The following ANKRD17 variants were observed in gnomAD, a reference collection of about 807,000 sequenced individuals.
The protein encoded by ANKRD17 is ankyrin repeat domain 17.
In ANKRD17, 19 loss-of-function variants were observed where a neutral mutation model predicts 229.7. The observed-to-expected ratio is 0.08, with a 90% CI of 0.06 to 0.12. The LOEUF is 0.12. ANKRD17 is among the 10% of genes least tolerant of loss of function. The pLI is 1.00. For missense variants in ANKRD17, 2,176 were observed against 3,176.8 expected, an observed-to-expected ratio of 0.68 and a Z score of 7.57; for synonymous variants, 1,112 against 1,146.1, an observed-to-expected ratio of 0.97 and a Z score of 0.60.
intron 10 of ANKRD17, among the ~76,000 whole-genome samples, chr4:73,146,400 T>C (rs1353994507): frequency 2.6e-5 from 4 of 152,204 alleles, no homozygotes; most frequent in African/African-American, 4.8e-5. Flanking sequence ...ATTGTAGGCA[T>C]AATTTATTTC....
intron 11 of ANKRD17, 101 bp from the exon 12 acceptor site, chr4:73,142,868 A>G (rs915519430): frequency 2.5e-5 from 33 of 1,307,134 alleles, no homozygotes; most frequent in Non-Finnish European, 3.3e-5. Flanking sequence ...TAGTATTATG[A>G]GGCTCCACAT....
intron 29 of ANKRD17, among the ~76,000 whole-genome samples, chr4:73,089,514 T>A (rs1223941045): frequency 6.6e-6 from 1 of 152,108 alleles, no homozygotes; most frequent in East Asian, 1.9e-4. Flanking sequence ...CTGGATTAGA[T>A]CCTACAATAG....
At chr4:73,254,190 A>T (rs1334457700) in intron 1 of ANKRD17, among the ~76,000 whole-genome samples, 2 of 152,222 alleles carry the variant, frequency 1.3e-5, no homozygotes, top group African/African-American at 4.8e-5. Flanking sequence ...ATGAAGCTGA[A>T]CACAGCCTAA....
chr4:73,239,596 GA>G (rs958057741), intron 1 of ANKRD17, among the ~76,000 whole-genome samples: 6 of 152,110 alleles, frequency 3.9e-5, no homozygotes, highest in African/African-American at 1.4e-4. Context: ...GTATATGTGT[GA>G]AAATGCACAG....
chr4:73,192,697 C>T (rs1737296757), intron 1 of ANKRD17, among the ~76,000 whole-genome samples: 1 of 152,096 alleles, frequency 6.6e-6, no homozygotes, highest in Non-Finnish European at 1.5e-5. Context: ...AAAGAGCTAT[C>T]ATAACAATTT....
At chr4:73,222,645 T>A (rs1461584348) in intron 1 of ANKRD17, among the ~76,000 whole-genome samples, 1 of 152,240 alleles carries the variant, frequency 6.6e-6, no homozygotes, top group Non-Finnish European at 1.5e-5. Flanking sequence ...AAAGCTGCTT[T>A]GCAGACCCCA....
intron 1 of ANKRD17, among the ~76,000 whole-genome samples, chr4:73,213,595 G>A (rs1001658868): frequency 1.3e-5 from 2 of 152,144 alleles, no homozygotes; most frequent in Non-Finnish European, 2.9e-5. Flanking sequence ...AGACAGAGAT[G>A]TACAGATGTT....
chr4:73,199,057 C>G (rs890976147), intron 1 of ANKRD17, among the ~76,000 whole-genome samples: 1 of 152,170 alleles, frequency 6.6e-6, no homozygotes, highest in Admixed American at 6.5e-5. Context: ...CTTCCCAATA[C>G]ATTTCATTCT....
At chr4:73,149,123 A>G in intron 7 of ANKRD17, 73 bp from the exon 8 acceptor site, 2 of 1,212,310 alleles carry the variant, frequency 1.6e-6, no homozygotes. Flanking sequence ...AGACTTCTCA[A>G]TTACTATACA....
chr4:73,253,171 G>A (rs1560791986), intron 1 of ANKRD17, among the ~76,000 whole-genome samples: 1 of 152,192 alleles, frequency 6.6e-6, no homozygotes, highest in East Asian at 1.9e-4. Context: ...ATGTTTACCT[G>A]TAAAATGAAT....
intron 14 of ANKRD17, among the ~76,000 whole-genome samples, chr4:73,140,794 G>T (rs1041955589): frequency 1.3e-5 from 2 of 152,148 alleles, no homozygotes; most frequent in African/African-American, 4.8e-5. Flanking sequence ...TAAAATCTGA[G>T]TAAAATATAT....
chr4:73,193,390 G>T (rs771412693), intron 1 of ANKRD17, among the ~76,000 whole-genome samples: 16 of 152,150 alleles, frequency 1.1e-4, no homozygotes, highest in Non-Finnish European at 1.9e-4. Flanking sequence ...AGGAGGACAG[G>T]TCATATGAGA....
chr4:73,239,448 A>C (rs1343416195), intron 1 of ANKRD17, among the ~76,000 whole-genome samples: 1 of 152,222 alleles, frequency 6.6e-6, no homozygotes, highest in African/African-American at 2.4e-5. Flanking sequence ...GAATACTCAC[A>C]GCCATTTAAA....
chr4:73,216,260 A>G (rs1578424948), intron 1 of ANKRD17, among the ~76,000 whole-genome samples: 1 of 152,268 alleles, frequency 6.6e-6, no homozygotes, highest in Non-Finnish European at 1.5e-5. Context: ...ATTTTTTTAA[A>G]TGAATAAATA....
intron 1 of ANKRD17, among the ~76,000 whole-genome samples, chr4:73,227,295 A>G (rs958876923): frequency 6.6e-6 from 1 of 152,012 alleles, no homozygotes; most frequent in Non-Finnish European, 1.5e-5. Context: ...CTGGGATTAC[A>G]GGCGCCCACC....
Position 73,258,783 on chromosome 4 carries a change from C to T in ANKRD17, c.-115G>A. ...TCGGTGCCGCCTCCGCCGCCACCGC[C>T]TCGGTCACCTCTACTGCCGCCGCCG... On this transcript the variant is annotated 5_prime_UTR_variant, in exon 1 of 34. Transcript: ENST00000358602. 1 of 1,330,902 alleles carries T rather than the reference C, an allele frequency of 7.5e-7. No homozygotes were observed. Among genetic ancestry groups the T allele is most frequent in the Non-Finnish European group, 9.5e-7 (1 of 1,047,268 alleles). 82.4% of individuals were successfully genotyped at this position (1,330,902 alleles called of 1,614,324 possible). A position where few individuals can be genotyped will look rare whatever the true frequency, so the allele number is the denominator to read the frequency against.
intron 11 of ANKRD17, 55 bp from the exon 12 acceptor site, chr4:73,142,822 T>C (rs987918741): frequency 6.5e-7 from 1 of 1,542,838 alleles, no homozygotes; most frequent in Non-Finnish European, 8.7e-7. Context: ...TTCTTAAAAT[T>C]ATGGTAAATT....
At chr4:73,254,784 A>G (rs563810192) in intron 1 of ANKRD17, among the ~76,000 whole-genome samples, 2 of 151,800 alleles carry the variant, frequency 1.3e-5, no homozygotes, top group African/African-American at 2.4e-5. Flanking sequence ...AAAAAAAAAG[A>G]AAGAAAAAAT....
intron 7 of ANKRD17, 136 bp downstream of exon 7, chr4:73,151,294 T>C: frequency 1.4e-6 from 1 of 713,968 alleles, no homozygotes; most frequent in Non-Finnish European, 2.2e-6. Context: ...TTAATAGAAG[T>C]TAATGTTGTA....
Sources: gnomAD v4.1 joint callset for allele counts (sites outside exome capture counted in the v4.1 genomes callset) on GRCh38, gnomAD v4.1.1 for gene constraint, MANE v1.5 for transcripts, NCBI Gene and HGNC (gene_info 2026-07-23, HGNC 2026-07-21) for gene names.